The following RAD51AP2 variants were observed in gnomAD, a reference collection of about 807,000 sequenced individuals.
The protein encoded by RAD51AP2 is RAD51 associated protein 2, also known as RAD51-associated protein 2.
In RAD51AP2, 67 loss-of-function variants were observed where a neutral mutation model predicts 85.5. The ratio of observed to expected loss-of-function variants is 0.78; its 90% confidence interval spans 0.64 to 0.96. The LOEUF is 0.96. Among genes scored for constraint, RAD51AP2 ranks in the 40% least tolerant of loss-of-function variants. RAD51AP2 has a pLI of 0.00. For synonymous variants in RAD51AP2, 474 were observed against 446.5 expected (o/e 1.06, Z -0.78); for missense variants, 1,307 against 1,332.4 (o/e 0.98, Z 0.30).
chr2:17,517,099 G>A lies in RAD51AP2; in HGVS notation c.1317C>T (p.Asp439=), dbSNP rs1164037766. ...KWNWLLLLEI[D]LLSKEDYHCA... is the part of the protein sequence containing the mutation. ...AGTGGTAATCTTCCTTGCTTAAAAG[G>A]TCTATTTCTAATAATAATAGCCAAT... The change falls in exon 1 of 3, where the codon GAC becomes GAT. Residue 439 remains aspartate, a synonymous_variant. Coordinates refer to ENST00000399080, the MANE Select transcript of RAD51AP2 (RefSeq NM_001099218.3). The A allele has an allele frequency of 6.2e-7, 1 of 1,612,460 alleles. No homozygotes were observed. The highest frequency in any genetic ancestry group is 8.5e-7 in the Non-Finnish European group (1 of 1,179,288).
At chr2:17,530,776 A>T in the RAD51AP2 span, among the ~76,000 whole-genome samples, 1 of 152,142 alleles carries the variant, frequency 6.6e-6, no homozygotes, top group Non-Finnish European at 1.5e-5. Flanking sequence ...AAAGAACTTC[A>T]ATCTATTTAG....
chr2:17,514,336 A>T (rs1662581561), intron 1 of RAD51AP2, among the ~76,000 whole-genome samples: 1 of 152,136 alleles, frequency 6.6e-6, no homozygotes, highest in African/African-American at 2.4e-5. Flanking sequence ...AGCTGCTGAG[A>T]AATTCAAATT....
At position 17,515,428 on chromosome 2, in the gene RAD51AP2, C is replaced by T. The variant is rs760895936; in HGVS notation, c.2988G>A (p.Gly996=). ...CATTTTCTCCAAAGTAATTTTCTTG[C>T]CCATTGTTTGTTTCCACAGTGCTTA... ...ELLSTVETNN[G]QENYFGENDA... is the part of the protein sequence containing the mutation. Residue 996 remains glycine (G), a synonymous_variant, in exon 1 of 3, where the codon GGG becomes GGA. Coordinates refer to ENST00000399080, the MANE Select transcript of RAD51AP2 (RefSeq NM_001099218.3). The T allele has an allele frequency of 9.3e-6, 15 of 1,612,510 alleles. No homozygotes were observed. The South Asian group carries it at 1.7e-4, about 18-fold the overall frequency.
the RAD51AP2 span, among the ~76,000 whole-genome samples, chr2:17,537,684 G>C: frequency 1.3e-5 from 2 of 152,186 alleles, no homozygotes; most frequent in African/African-American, 4.8e-5. Flanking sequence ...CACTTTTACT[G>C]TCATTCTCCG....
the RAD51AP2 span, among the ~76,000 whole-genome samples, chr2:17,535,589 C>T: frequency 6.6e-6 from 1 of 151,960 alleles, no homozygotes. Context: ...ATTCAGTTAA[C>T]GACGTGATGA....
chr2:17,535,475 T>C, the RAD51AP2 span, among the ~76,000 whole-genome samples: 4 of 152,060 alleles, frequency 2.6e-5, no homozygotes, highest in Non-Finnish European at 5.9e-5. Context: ...GTTAGGAGAA[T>C]GAGAAAGAAC....
chr2:17,525,711 A>C, the RAD51AP2 span, among the ~76,000 whole-genome samples: 1 of 151,870 alleles, frequency 6.6e-6, no homozygotes, highest in East Asian at 1.9e-4. Context: ...TTTCATATCA[A>C]CTTCCACAAG....
chr2:17,511,612 G>A (rs1371497618), intron 2 of RAD51AP2, among the ~76,000 whole-genome samples: 1 of 152,030 alleles, frequency 6.6e-6, no homozygotes, highest in Non-Finnish European at 1.5e-5. Flanking sequence ...ACCAAACTGT[G>A]GGGTACATAT....
At chr2:17,528,677 AC>A in the RAD51AP2 span, among the ~76,000 whole-genome samples, 41 of 152,046 alleles carry the variant, frequency 2.7e-4, no homozygotes, top group African/African-American at 9.7e-4. Flanking sequence ...ACCCATCTCT[AC>A]AAAAAATTTT....
Position 17,517,827 on chromosome 2 carries a change from A to C in RAD51AP2, c.589T>G (p.Phe197Val). The change falls in exon 1 of 3, where the codon TTT becomes GTT. Residue 197 changes from phenylalanine to valine, a missense_variant. Phe to Val is a conservative substitution (Grantham distance 50). Coordinates refer to ENST00000399080, the MANE Select transcript of RAD51AP2 (RefSeq NM_001099218.3). ...AATGGTGATTTAGTTTCCTTGTAAA[A>C]GGTAACATCTAAAAATGGATTTTCT... ...HKENPFLDVTFYKETKSPFHE... is the reference protein window; with the variant it reads ...HKENPFLDVTVYKETKSPFHE... 1 of 1,614,178 alleles carries C rather than the reference A, an allele frequency of 6.2e-7. No individual in the cohort carries two copies. The highest frequency in any genetic ancestry group is 8.5e-7 in the Non-Finnish European group (1 of 1,180,004).
upstream of RAD51AP2, among the ~76,000 whole-genome samples, chr2:17,519,323 T>C (rs772580893): frequency 1.2e-4 from 18 of 151,990 alleles, no homozygotes; most frequent in Admixed American, 7.9e-4. Context: ...CTGGTTTTTG[T>C]GAATTCTATA....
chr2:17,521,209 T>C (rs1203739195), upstream of RAD51AP2, among the ~76,000 whole-genome samples: 1 of 152,108 alleles, frequency 6.6e-6, no homozygotes, highest in Non-Finnish European at 1.5e-5. Context: ...GCCTTAAGTT[T>C]CTTGTTTTTG....
rs1249074498 is a variant in RAD51AP2 at position 17,510,707 on chromosome 2, A to G, written c.*97T>C. On this transcript the variant is annotated 3_prime_UTR_variant, in exon 3 of 3. Transcript: ENST00000399080. The stretch of plus-strand genomic sequence containing the variant: ...TCAAAAAAAAAAACTTCTCCACTTT[A>G]TAATAAAGCAAGCCCCAAACCCCCA... 4 of 734,556 alleles carry G rather than the reference A, an allele frequency of 5.4e-6. No homozygotes were observed. The East Asian group carries it at 9.1e-5, about 17-fold the overall frequency. 45.5% of individuals were successfully genotyped at this position (734,556 alleles called of 1,614,324 possible).
At chr2:17,530,930 T>C in the RAD51AP2 span, among the ~76,000 whole-genome samples, 1 of 152,226 alleles carries the variant, frequency 6.6e-6, no homozygotes, top group Non-Finnish European at 1.5e-5. Context: ...TTCAACTACT[T>C]ATTTTTCAAA....
Position 17,517,382 on chromosome 2 carries a change from A to T in RAD51AP2, c.1034T>A (p.Leu345Ter). 1 of 1,613,738 alleles carries T rather than the reference A, an allele frequency of 6.2e-7. No homozygotes were observed. Among genetic ancestry groups the T allele is most frequent in the Non-Finnish European group, 8.5e-7 (1 of 1,179,868 alleles). ...SSQNTCKRKD[L>*]ISSNYCNCSS... The stretch of plus-strand genomic sequence containing the variant: ...GCAGTTACAGTAGTTTGAACTGATC[A>T]AGTCTTTTCTCTTACAAGTATTTTG... Residue 345 changes from leucine to a stop codon, truncating the protein, a stop_gained, in exon 1 of 3, where the codon TTG (leucine) becomes TAG (stop). Transcript: ENST00000399080. LOFTEE classifies it high-confidence loss of function.
rs769745548 is a variant in RAD51AP2, at chr2:17,518,266, T to C, written c.150A>G (p.Arg50=). ...EPGGVFKAGW[R]LPLVPRLSEA... Reference sequence around the variant, plus strand: ...CAGACAAGCGAGGCACCAGAGGCAGTCGCCAGCCCGCCTTAAAGACACCTC... The same window carrying C: ...CAGACAAGCGAGGCACCAGAGGCAGCCGCCAGCCCGCCTTAAAGACACCTC... The change falls in exon 1 of 3, where the codon CGA becomes CGG. Residue 50 remains arginine (R), a synonymous_variant. Coordinates refer to ENST00000399080, the MANE Select transcript of RAD51AP2 (RefSeq NM_001099218.3). The C allele has an allele frequency of 7.0e-5, 113 of 1,614,132 alleles. No individual in the cohort carries two copies. The highest frequency in any genetic ancestry group is 9.4e-5 in the Non-Finnish European group (111 of 1,180,018).
At chr2:17,518,441 G>T, upstream of RAD51AP2, 1 of 1,592,128 alleles carries the variant, frequency 6.3e-7, no homozygotes, top group Non-Finnish European at 8.5e-7. Flanking sequence ...GGATCTGTCC[G>T]AGTCCCGGCG....
chr2:17,516,239 T>G lies in RAD51AP2; in HGVS notation c.2177A>C (p.Tyr726Ser). 6.2e-7 allele frequency: 1 copy of G among 1,612,598 alleles called. No individual in the cohort carries two copies. Among genetic ancestry groups the G allele is most frequent in the Non-Finnish European group, 8.5e-7 (1 of 1,179,624 alleles). The change falls in exon 1 of 3, where the codon TAT (tyrosine) becomes TCT (serine). Residue 726 changes from tyrosine (Y) to serine (S), a missense_variant. Tyr to Ser is a moderately radical substitution (Grantham distance 144). This residue lies in a region of RAD51AP2 where 668 missense variants were observed against 671.0 expected (regional missense o/e 1.00). Transcript: ENST00000399080. The part of the protein sequence containing the change: ...QVVNVENWAH[Y>S]NSSTVKAHGN... The stretch of plus-strand genomic sequence containing the variant: ...ATGTGCTTTAACAGTACTAGAATTA[T>G]AGTGAGCCCAATTTTCCACATTCAC...
At chr2:17,533,775 C>T in the RAD51AP2 span, among the ~76,000 whole-genome samples, 2 of 152,008 alleles carry the variant, frequency 1.3e-5, no homozygotes, top group Admixed American at 1.3e-4. Context: ...ATTAGTTAGG[C>T]ATAGGGGTGC....
Sources: gnomAD v4.1 joint callset for allele counts (sites outside exome capture counted in the v4.1 genomes callset) on GRCh38, gnomAD v4.1.1 for gene constraint, gnomAD v4.1.1 regional missense constraint, MANE v1.5 for transcripts, NCBI Gene and HGNC (gene_info 2026-07-23, HGNC 2026-07-21) for gene names.